The following SUN3 variants were observed in gnomAD, a reference collection of about 807,000 sequenced individuals.
SUN3 encodes SUN domain-containing protein 3.
Under a neutral mutation model 48.2 loss-of-function variants are expected in SUN3, and 36 were observed. The observed-to-expected ratio is 0.75, with a 90% CI of 0.57 to 0.99. The LOEUF (loss-of-function observed/expected upper bound fraction) is 0.99, where lower values mean the gene tolerates loss of function less well. SUN3 is among the 50% of genes least tolerant of loss of function. SUN3 has a pLI of 0.00. For missense variants in SUN3, 419 were observed against 433.1 expected (o/e 0.97, Z 0.29); for synonymous variants, 148 against 147.9 (o/e 1.00, Z 0.00).
At chr7:48,031,379 G>T (rs1002177349), upstream of SUN3, among the ~76,000 whole-genome samples, 2 of 152,110 alleles carry the variant, frequency 1.3e-5, no homozygotes, top group African/African-American at 4.8e-5. Flanking sequence ...AAGATAAACA[G>T]CTAGTGTTGC....
At chr7:48,024,029 C>T (rs1168549820) in intron 2 of SUN3, among the ~76,000 whole-genome samples, 1 of 151,880 alleles carries the variant, frequency 6.6e-6, no homozygotes. Context: ...TTTGGCTTTC[C>T]ACATGCCAAA....
intron 8 of SUN3, among the ~76,000 whole-genome samples, chr7:47,990,077 C>T (rs1250503149): frequency 6.6e-6 from 1 of 152,118 alleles, no homozygotes; most frequent in African/African-American, 2.4e-5. Context: ...GACCATCCCC[C>T]AGCCCGACAC....
chr7:47,991,537 G>T (rs542977719), intron 8 of SUN3, among the ~76,000 whole-genome samples: 5 of 34,348 alleles, frequency 1.5e-4, no homozygotes, highest in African/African-American at 4.1e-4. Flanking sequence ...CAGATGGGAA[G>T]ATCATAATTG....
chr7:48,031,404 G>A (rs983568665), upstream of SUN3, among the ~76,000 whole-genome samples: 1 of 152,150 alleles, frequency 6.6e-6, no homozygotes, highest in Non-Finnish European at 1.5e-5. Context: ...AGTGGTACAC[G>A]CCTGTAATCC....
At chr7:48,001,846 C>T (rs1789386830) in intron 6 of SUN3, among the ~76,000 whole-genome samples, 1 of 152,040 alleles carries the variant, frequency 6.6e-6, no homozygotes. Context: ...AGTTCCATGT[C>T]TTTTCTATTG....
At chr7:47,992,093 G>C (rs1789081098) in intron 8 of SUN3, among the ~76,000 whole-genome samples, 1 of 122,368 alleles carries the variant, frequency 8.2e-6, no homozygotes. Flanking sequence ...CAGCTCTCCT[G>C]ATAGCACACT....
intron 3 of SUN3, among the ~76,000 whole-genome samples, chr7:48,012,797 A>G (rs1583769923): frequency 1.3e-5 from 2 of 152,206 alleles, no homozygotes; most frequent in East Asian, 3.8e-4. Context: ...GTTAAGAGGT[A>G]GGGTCTTTTG....
intron 7 of SUN3, among the ~76,000 whole-genome samples, chr7:47,994,745 G>A (rs1288579739): frequency 1.3e-5 from 2 of 152,210 alleles, no homozygotes; most frequent in Non-Finnish European, 2.9e-5. Flanking sequence ...ATGAGTGGTG[G>A]TGCTGGTAAG....
intron 3 of SUN3, among the ~76,000 whole-genome samples, chr7:48,014,795 G>A (rs1429401484): frequency 6.6e-6 from 1 of 152,218 alleles, no homozygotes. Context: ...TGGCTTAAAT[G>A]ATTGCAGGGG....
chr7:48,001,009 T>G (rs1030814066), intron 6 of SUN3, among the ~76,000 whole-genome samples: 1 of 152,220 alleles, frequency 6.6e-6, no homozygotes, highest in Non-Finnish European at 1.5e-5. Flanking sequence ...TCTGAAGTTC[T>G]GTTTGCATTT....
rs987446540 is a variant in SUN3 at position 48,006,121 on chromosome 7, T to C, written c.493-68A>G. On this transcript the variant is annotated intron_variant, in intron 5 of 9. Coordinates refer to ENST00000297325, the MANE Select transcript of SUN3 (RefSeq NM_001030019.2). ...CAACTGCTTGAGTTTTGACCATTCA[T>C]TTTATTGATTTGGACCTAATTTGCA... 2.6e-6 allele frequency: 3 copies of C among 1,173,438 alleles called. No individual in the cohort carries two copies. In the African/African-American group the frequency reaches 4.6e-5, roughly 18 times the overall value. The allele number at this position is 1,173,438 out of a possible 1,614,324, so 72.7% of individuals were successfully genotyped here.
Position 48,007,298 on chromosome 7 carries a change from A to T in SUN3, c.359T>A (p.Phe120Tyr). 2 of 1,614,096 alleles carry T rather than the reference A, an allele frequency of 1.2e-6. No individual in the cohort carries two copies. The highest frequency in any genetic ancestry group is 8.5e-7 in the Non-Finnish European group (1 of 1,179,972). Residue 120 changes from phenylalanine to tyrosine, a missense_variant, in exon 5 of 10, where the codon TTT becomes TAT. By Grantham distance (22) the Phe-to-Tyr change is conservative. Transcript: ENST00000297325. ...KKESQNLENN[F>Y]RQILFLIEQI... ...TTCGATCAAAAATAGAATTTGACGA[A>T]AATTGTTTTCCAGATTCTGGCTTTC...
intron 6 of SUN3, among the ~76,000 whole-genome samples, chr7:48,004,846 C>T (rs767914105): frequency 6.6e-6 from 1 of 152,234 alleles, no homozygotes; most frequent in Non-Finnish European, 1.5e-5. Flanking sequence ...TCCCCTCTAC[C>T]AACTGCCTGC....
upstream of SUN3, among the ~76,000 whole-genome samples, chr7:48,029,505 T>G (rs186021102): frequency 1.3e-5 from 2 of 152,314 alleles, no homozygotes; most frequent in Admixed American, 1.3e-4. Context: ...ATAAACTAAA[T>G]GTTATGCCAC....
chr7:47,990,491 G>A (rs1043918007), intron 8 of SUN3, among the ~76,000 whole-genome samples: 3 of 151,882 alleles, frequency 2.0e-5, no homozygotes, highest in Non-Finnish European at 4.4e-5. Context: ...GACTGGTGCC[G>A]GCGCGGGTCC....
chr7:48,007,202 G>A lies in SUN3; in HGVS notation c.455C>T (p.Thr152Ile). ...CGGGTCCTCCACAGGGTCTCCATGG[G>A]TGTTCCAGTTGTGATTATTGTCCAT... Reference protein sequence around the residue: ...DGMDNNHNWNTHGDPVEDPDH... With the variant: ...DGMDNNHNWNIHGDPVEDPDH... The change falls in exon 5 of 10, where the codon ACC becomes ATC. Residue 152 changes from threonine to isoleucine, a missense_variant. Coordinates refer to ENST00000297325, the MANE Select transcript of SUN3 (RefSeq NM_001030019.2). 1 of 1,614,104 alleles carries A rather than the reference G, an allele frequency of 6.2e-7. No homozygotes were observed. Among genetic ancestry groups the A allele is most frequent in the Non-Finnish European group, 8.5e-7 (1 of 1,180,004 alleles).
chr7:48,005,835 C>T, intron 6 of SUN3, 134 bp downstream of exon 6: 1 of 524,878 alleles, frequency 1.9e-6, no homozygotes, highest in Middle Eastern at 3.2e-4. Flanking sequence ...TCTTTATTAT[C>T]TAAATTGATT....
At chr7:48,012,082 G>T (rs2708909) in intron 3 of SUN3, among the ~76,000 whole-genome samples, 63,976 of 152,120 alleles carry the variant, frequency 0.42, 14,598 homozygotes, top group Non-Finnish European at 0.51. Context: ...ATGAGATGGG[G>T]GTTCAGTGTC....
At chr7:47,989,168 G>GATA (rs1788983531) in intron 8 of SUN3, among the ~76,000 whole-genome samples, 4 of 152,214 alleles carry the variant, frequency 2.6e-5, no homozygotes, top group Admixed American at 2.6e-4. Context: ...TTAGAAGATA[G>GATA]ATGATTGACA....
Sources: allele counts gnomAD v4.1 joint callset (sites outside exome capture counted in the v4.1 genomes callset), GRCh38; gene constraint gnomAD v4.1.1; transcripts MANE v1.5; gene names NCBI Gene and HGNC (gene_info 2026-07-23, HGNC 2026-07-21).